Variants in KCNJ16 observed in about 807,000 individuals in gnomAD.
The protein encoded by KCNJ16 is potassium inwardly rectifying channel subfamily J member 16.
A neutral mutation model predicts 18.5 loss-of-function variants in KCNJ16; 15 were observed. The ratio of observed to expected loss-of-function variants is 0.81; its 90% CI spans 0.54 to 1.25. The LOEUF (loss-of-function observed/expected upper bound fraction) is 1.25. Among genes scored for constraint, KCNJ16 ranks in the 50% most tolerant of loss-of-function variants. The pLI is 0.00. For synonymous variants in KCNJ16, 174 were observed against 186.5 expected, an observed-to-expected ratio of 0.93 and a Z score of 0.55; for missense variants, 523 against 525.7, an observed-to-expected ratio of 0.99 and a Z score of 0.05.
rs1455361975 is a variant in KCNJ16, at chr17:70,133,224, T to A, written c.1137T>A (p.Ile379=). ...GAAGGTCATTTAGTGCAGTTGCCAT[T>A]GTCAGCAGCTGTGAAAACCCTGAGG... ...ARRRSFSAVA[I]VSSCENPEET... is the part of the protein sequence containing the mutation. Residue 379 remains isoleucine, a synonymous_variant, in exon 4 of 4, where the codon ATT becomes ATA. Coordinates refer to ENST00000392671, the MANE Select transcript of KCNJ16 (RefSeq NM_170741.4). 6.2e-7 allele frequency: 1 copy of A among 1,614,158 alleles called. No homozygotes were observed. Among genetic ancestry groups the A allele is most frequent in the East Asian group, 2.2e-5 (1 of 44,878 alleles).
intron 1 of KCNJ16, among the ~76,000 whole-genome samples, chr17:70,083,441 T>C (rs1211203348): frequency 6.6e-6 from 1 of 151,778 alleles, no homozygotes; most frequent in Non-Finnish European, 1.5e-5. Context: ...ATGGGGTGCA[T>C]ATATGATGGT....
intron 1 of KCNJ16, among the ~76,000 whole-genome samples, chr17:70,080,709 C>T (rs1175736410): frequency 6.6e-6 from 1 of 152,060 alleles, no homozygotes; most frequent in African/African-American, 2.4e-5. Flanking sequence ...ATCTACTAAC[C>T]CACAAACTTG....
At chr17:70,085,421 A>G (rs1038407823) in intron 1 of KCNJ16, among the ~76,000 whole-genome samples, 4 of 152,244 alleles carry the variant, frequency 2.6e-5, no homozygotes, top group Admixed American at 6.5e-5. Context: ...TAAATGACAT[A>G]GCTAGATTTG....
At chr17:70,098,726 CTT>C (rs1025143481) in intron 1 of KCNJ16, among the ~76,000 whole-genome samples, 1 of 152,086 alleles carries the variant, frequency 6.6e-6, no homozygotes, top group Non-Finnish European at 1.5e-5. Flanking sequence ...TTTTCTATGA[CTT>C]TATGTATTTC....
intron 1 of KCNJ16, among the ~76,000 whole-genome samples, chr17:70,098,961 T>C (rs2066849318): frequency 6.6e-6 from 1 of 152,210 alleles, no homozygotes; most frequent in African/African-American, 2.4e-5. Context: ...GCTAACTGTT[T>C]ACACCTCTTA....
chr17:70,130,251 C>T (rs1334267374), intron 2 of KCNJ16, among the ~76,000 whole-genome samples: 1 of 152,136 alleles, frequency 6.6e-6, no homozygotes, highest in Non-Finnish European at 1.5e-5. Context: ...AGATAGAAAC[C>T]TCCAAAGCAT....
intron 1 of KCNJ16, among the ~76,000 whole-genome samples, chr17:70,083,386 T>C (rs1310012890): frequency 6.6e-6 from 1 of 151,478 alleles, no homozygotes; most frequent in Non-Finnish European, 1.5e-5. Context: ...TATACACATA[T>C]GGATGTGTAT....
At chr17:70,098,586 C>CGT (rs1045131075) in intron 1 of KCNJ16, among the ~76,000 whole-genome samples, 11 of 148,666 alleles carry the variant, frequency 7.4e-5, no homozygotes, top group Non-Finnish European at 1.3e-4. Context: ...AATTGTATTA[C>CGT]GTGTGTGTGT....
chr17:70,102,605 A>G (rs1319354052), intron 2 of KCNJ16, among the ~76,000 whole-genome samples: 1 of 152,158 alleles, frequency 6.6e-6, no homozygotes, highest in African/African-American at 2.4e-5. Context: ...AGTTGGCAAA[A>G]TCTTATGTGA....
At chr17:70,112,794 A>G (rs555769615) in intron 2 of KCNJ16, among the ~76,000 whole-genome samples, 91 of 152,322 alleles carry the variant, frequency 6.0e-4, no homozygotes, top group Non-Finnish European at 1.1e-3. Context: ...ATCTAAAATT[A>G]TTGATTTTTA....
chr17:70,085,384 C>T (rs2071748942), intron 1 of KCNJ16, among the ~76,000 whole-genome samples: 1 of 152,098 alleles, frequency 6.6e-6, no homozygotes, highest in African/African-American at 2.4e-5. Flanking sequence ...ACTGAAAGGT[C>T]GGGATGTTCT....
At chr17:70,123,327 A>G (rs1384760780) in intron 2 of KCNJ16, among the ~76,000 whole-genome samples, 1 of 152,246 alleles carries the variant, frequency 6.6e-6, no homozygotes, top group Non-Finnish European at 1.5e-5. Flanking sequence ...TGATTTGAGC[A>G]GAAACGAGAG....
intron 2 of KCNJ16, chr17:70,105,156 T>A (rs996746520): frequency 5.9e-5 from 9 of 152,248 alleles, no homozygotes; most frequent in African/African-American, 2.2e-4. Flanking sequence ...CCTTTTTGCA[T>A]GTATCCCCGC....
rs1173066679 is a variant in KCNJ16 at position 70,133,148 on chromosome 17, A to C, written c.1061A>C (p.Glu354Ala). 1 of 1,614,208 alleles carries C rather than the reference A, an allele frequency of 6.2e-7. No individual in the cohort carries two copies. Among genetic ancestry groups the C allele is most frequent in the East Asian group, 2.2e-5 (1 of 44,888 alleles). The change falls in exon 4 of 4, where the codon GAA (glutamate) becomes GCA (alanine). Residue 354 changes from glutamate to alanine, a missense_variant. Glu to Ala is a moderately radical substitution (Grantham distance 107). Coordinates refer to ENST00000392671, the MANE Select transcript of KCNJ16 (RefSeq NM_170741.4). ...TGGAAAGACCAGCAGCTCCACATAGAAAAAGCACCACCAGTTCGAGAATCC... is the reference window on the plus strand; with the variant it reads ...TGGAAAGACCAGCAGCTCCACATAGCAAAAGCACCACCAGTTCGAGAATCC... ...LDWKDQQLHI[E>A]KAPPVRESCT... is the part of the protein sequence containing the mutation.
chr17:70,082,517 T>C (rs2071598723), intron 1 of KCNJ16, among the ~76,000 whole-genome samples: 2 of 152,120 alleles, frequency 1.3e-5, no homozygotes, highest in African/African-American at 4.8e-5. Flanking sequence ...AGAGAAGAGA[T>C]AGGAGAAGCT....
At chr17:70,092,562 TAGATATAG>T (rs1567782601) in intron 1 of KCNJ16, among the ~76,000 whole-genome samples, 14 of 49,918 alleles carry the variant, frequency 2.8e-4, no homozygotes, top group Non-Finnish European at 5.5e-4. Flanking sequence ...AGATAGATGA[TAGATATAG>T]ATAGATAGAT....
chr17:70,104,480 A>G (rs892154563), intron 2 of KCNJ16, among the ~76,000 whole-genome samples: 1 of 152,200 alleles, frequency 6.6e-6, no homozygotes, highest in Non-Finnish European at 1.5e-5. Flanking sequence ...TGCCATAGGT[A>G]TAGGGTTACA....
chr17:70,135,116 T>C lies in KCNJ16; in HGVS notation c.*1772T>C, dbSNP rs2074183058. The C allele has an allele frequency of 6.0e-6, 1 of 166,240 alleles. No individual in the cohort carries two copies. The highest frequency in any genetic ancestry group is 1.5e-5 in the Non-Finnish European group (1 of 68,038). The allele number at this position is 166,240 out of a possible 1,614,324, so 10.3% of individuals were successfully genotyped here. On this transcript the variant is annotated 3_prime_UTR_variant, in exon 4 of 4. Coordinates refer to ENST00000392671, the MANE Select transcript of KCNJ16 (RefSeq NM_170741.4). ...ATAAGAGATTTGTTCAGGTCAAAAG[T>C]TGCAAAACTGTTCTGAAGCTTAATA... is the stretch of plus-strand genomic sequence containing the variant.
At chr17:70,079,684 T>G (rs2071467825) in intron 1 of KCNJ16, among the ~76,000 whole-genome samples, 1 of 152,036 alleles carries the variant, frequency 6.6e-6, no homozygotes, top group African/African-American at 2.4e-5. Context: ...ATTAATTTAG[T>G]ACAGCATTTT....
Sources: gnomAD v4.1 joint callset for allele counts (sites outside exome capture counted in the v4.1 genomes callset) on GRCh38, gnomAD v4.1.1 for gene constraint, MANE v1.5 for transcripts, NCBI Gene and HGNC (gene_info 2026-07-23, HGNC 2026-07-21) for gene names.